Variants in FBXO4 observed in about 807,000 individuals in gnomAD.
The protein encoded by FBXO4 is F-box only protein 4.
Under a neutral mutation model 43.7 loss-of-function variants are expected in FBXO4, and 36 were observed. That is an observed-to-expected ratio of 0.82 (90% CI 0.63 to 1.09). FBXO4 has a LOEUF of 1.09. Among genes scored for constraint, FBXO4 ranks in the 50% least tolerant of loss-of-function variants. The pLI is 0.00. For missense variants in FBXO4, 435 were observed against 474.1 expected (o/e 0.92, Z 0.77); for synonymous variants, 180 against 165.6 (o/e 1.09, Z -0.67).
chr5:42,020,599 C>T, the FBXO4 span, among the ~76,000 whole-genome samples: 2 of 152,098 alleles, frequency 1.3e-5, no homozygotes, highest in Non-Finnish European at 2.9e-5. Context: ...ATTAATAACG[C>T]CAGCAAGGAA....
chr5:42,028,250 C>G, the FBXO4 span, among the ~76,000 whole-genome samples: 1 of 151,842 alleles, frequency 6.6e-6, no homozygotes, highest in Non-Finnish European at 1.5e-5. Context: ...TTTTGCTGAA[C>G]TGACGTCTTT....
At chr5:42,018,925 T>C in the FBXO4 span, among the ~76,000 whole-genome samples, 11 of 152,242 alleles carry the variant, frequency 7.2e-5, no homozygotes, top group Middle Eastern at 3.4e-3. Flanking sequence ...AGCAGCCTCC[T>C]AGCAGCAAAT....
chr5:42,019,154 A>C, the FBXO4 span, among the ~76,000 whole-genome samples: 1 of 152,174 alleles, frequency 6.6e-6, no homozygotes, highest in African/African-American at 2.4e-5. Context: ...TGCAATCTAA[A>C]TTTTATAAAA....
chr5:41,933,858 CTT>C (rs2112578245), intron 3 of FBXO4, 86 bp from the exon 4 acceptor site: 2 of 1,055,430 alleles, frequency 1.9e-6, no homozygotes, highest in East Asian at 4.8e-5. Context: ...TTTCTTTACT[CTT>C]TTTGCTTTCA....
the FBXO4 span, among the ~76,000 whole-genome samples, chr5:41,955,614 C>T: frequency 8.5e-5 from 13 of 152,176 alleles, no homozygotes; most frequent in East Asian, 3.9e-4. Context: ...GGGGATCTGA[C>T]GAGGCCACAG....
the FBXO4 span, among the ~76,000 whole-genome samples, chr5:42,027,042 C>T: frequency 6.6e-5 from 10 of 151,914 alleles, no homozygotes; most frequent in South Asian, 1.9e-3. Context: ...GTTTTGGGAT[C>T]GGGGTAATGC....
At chr5:41,995,826 C>T in the FBXO4 span, among the ~76,000 whole-genome samples, 1 of 152,210 alleles carries the variant, frequency 6.6e-6, no homozygotes, top group Non-Finnish European at 1.5e-5. Flanking sequence ...CTCTACAGCC[C>T]ATGAATCAGT....
At chr5:41,953,984 G>T in the FBXO4 span, among the ~76,000 whole-genome samples, 3 of 152,136 alleles carry the variant, frequency 2.0e-5, no homozygotes, top group African/African-American at 7.2e-5. Flanking sequence ...TGGATTCAAG[G>T]TTATTAAATT....
chr5:41,952,401 T>C, the FBXO4 span, among the ~76,000 whole-genome samples: 1 of 152,202 alleles, frequency 6.6e-6, no homozygotes, highest in Non-Finnish European at 1.5e-5. Flanking sequence ...TTATAAAAAT[T>C]GACTAATTTA....
intron 3 of FBXO4, among the ~76,000 whole-genome samples, chr5:41,932,508 T>G (rs1751718493): frequency 6.6e-6 from 1 of 152,160 alleles, no homozygotes; most frequent in African/African-American, 2.4e-5. Flanking sequence ...ACAAATAAAT[T>G]AGTTATAATG....
the FBXO4 span, among the ~76,000 whole-genome samples, chr5:41,979,884 T>A: frequency 2.6e-5 from 4 of 152,220 alleles, no homozygotes; most frequent in African/African-American, 9.6e-5. Flanking sequence ...CTTCACAGAC[T>A]TTCTTTCTGC....
At chr5:41,936,793 A>C (rs1751860642) in intron 5 of FBXO4, among the ~76,000 whole-genome samples, 1 of 152,154 alleles carries the variant, frequency 6.6e-6, no homozygotes, top group Non-Finnish European at 1.5e-5. Context: ...AGAGCAAGGA[A>C]CAGAGTGAGA....
chr5:42,005,361 C>T, the FBXO4 span, among the ~76,000 whole-genome samples: 10 of 152,154 alleles, frequency 6.6e-5, no homozygotes, highest in Non-Finnish European at 8.8e-5. Flanking sequence ...TTGAACTGCA[C>T]TCTAATGCAG....
chr5:41,937,582 C>T (rs1218157295), intron 5 of FBXO4, among the ~76,000 whole-genome samples: 1 of 152,126 alleles, frequency 6.6e-6, no homozygotes, highest in Non-Finnish European at 1.5e-5. Context: ...TTTTTTCCCT[C>T]TGGCTTCACC....
the FBXO4 span, among the ~76,000 whole-genome samples, chr5:41,952,943 A>T: frequency 3.3e-5 from 5 of 150,274 alleles, no homozygotes; most frequent in Non-Finnish European, 4.4e-5. Context: ...CTATTCTATC[A>T]GTTTTTTTCT....
chr5:41,925,287 G>A lies in FBXO4; in HGVS notation c.-23G>A, dbSNP rs1751437477. Reference sequence around the variant, plus strand: ...ACGCGCTAGCGTGGCTCTAAGACGCGTCACCCACGCTGCGGGCAAGCCATG... The same window carrying A: ...ACGCGCTAGCGTGGCTCTAAGACGCATCACCCACGCTGCGGGCAAGCCATG... On this transcript the variant is annotated 5_prime_UTR_variant, in exon 1 of 7. Transcript: ENST00000281623. The A allele has an allele frequency of 1.5e-6, 2 of 1,319,138 alleles. No individual in the cohort carries two copies. Among genetic ancestry groups the A allele is most frequent in the South Asian group, 2.0e-5 (1 of 49,680 alleles). 81.7% of individuals were successfully genotyped at this position (1,319,138 alleles called of 1,614,324 possible). A position where few individuals can be genotyped will look rare whatever the true frequency, so the allele number is the denominator to read the frequency against.
the FBXO4 span, among the ~76,000 whole-genome samples, chr5:41,997,510 G>A: frequency 1.3e-5 from 2 of 152,096 alleles, no homozygotes; most frequent in African/African-American, 4.8e-5. Flanking sequence ...AGCCAGTGTG[G>A]GGGTTCTGTC....
the FBXO4 span, among the ~76,000 whole-genome samples, chr5:42,006,105 A>C: frequency 6.6e-6 from 1 of 152,160 alleles, no homozygotes; most frequent in East Asian, 1.9e-4. Context: ...ACAGATACAA[A>C]AGCTTAGCTT....
intron 2 of FBXO4, among the ~76,000 whole-genome samples, chr5:41,928,039 A>AT (rs201750206): frequency 1.3e-4 from 19 of 151,882 alleles, no homozygotes; most frequent in South Asian, 4.2e-4. Context: ...AAAATACAGA[A>AT]TTTTTTTTTC....
Sources: gnomAD v4.1 joint callset for allele counts (sites outside exome capture counted in the v4.1 genomes callset) on GRCh38, gnomAD v4.1.1 for gene constraint, MANE v1.5 for transcripts, NCBI Gene and HGNC (gene_info 2026-07-23, HGNC 2026-07-21) for gene names.